The following MINDY4 variants were observed in gnomAD, a reference collection of about 807,000 sequenced individuals.
MINDY4 encodes the protein MINDY lysine 48 deubiquitinase 4.
In MINDY4, 68 loss-of-function variants were observed where a neutral mutation model predicts 87.0. That is an observed-to-expected ratio of 0.78 (90% CI 0.64 to 0.96). The LOEUF is 0.96. MINDY4 is among the 40% of genes least tolerant of loss of function. The pLI is 0.00. For missense variants in MINDY4, 919 were observed against 928.2 expected (o/e 0.99, Z 0.13); for synonymous variants, 379 against 363.2 (o/e 1.04, Z -0.50).
At chr7:30,803,861 C>T (rs1209394284) in intron 5 of MINDY4, among the ~76,000 whole-genome samples, 1 of 152,176 alleles carries the variant, frequency 6.6e-6, no homozygotes, top group Non-Finnish European at 1.5e-5. Flanking sequence ...TGGAGAAAAC[C>T]TAAGCTCATA....
intron 1 of MINDY4, among the ~76,000 whole-genome samples, chr7:30,773,934 CT>C (rs1786723292): frequency 6.6e-6 from 1 of 152,204 alleles, no homozygotes; most frequent in East Asian, 1.9e-4. Flanking sequence ...AGGTGCAGCT[CT>C]TTTGCGCTTC....
intron 12 of MINDY4, chr7:30,858,177 G>A (rs1789634769): frequency 6.6e-6 from 1 of 152,198 alleles, no homozygotes; most frequent in Non-Finnish European, 1.5e-5. Flanking sequence ...TGAAGGTGGG[G>A]ATGGTGTTTC....
At chr7:30,851,061 C>G (rs1193272462) in intron 10 of MINDY4, among the ~76,000 whole-genome samples, 1 of 152,202 alleles carries the variant, frequency 6.6e-6, no homozygotes, top group African/African-American at 2.4e-5. Flanking sequence ...TTATCCTGAC[C>G]CGCATCGTCT....
At chr7:30,880,624 C>T (rs1417523999) in intron 15 of MINDY4, among the ~76,000 whole-genome samples, 1 of 152,098 alleles carries the variant, frequency 6.6e-6, no homozygotes, top group Non-Finnish European at 1.5e-5. Context: ...CTGTTCCTGG[C>T]GATGCCCTCA....
At position 30,882,373 on chromosome 7, in the gene MINDY4, C is replaced by G; in HGVS notation, c.2152+12C>G. 6.6e-7 allele frequency: 1 copy of G among 1,504,776 alleles called. No homozygotes were observed. Among genetic ancestry groups the G allele is most frequent in the South Asian group, 1.3e-5 (1 of 78,072 alleles). 93.2% of individuals were successfully genotyped at this position (1,504,776 alleles called of 1,614,324 possible). A position where few individuals can be genotyped will look rare whatever the true frequency, so the allele number is the denominator to read the frequency against. ...CCGGCTGACCATTGGTGCGGGCCCT[C>G]ACCCCCCCACCCACCCAACCCTGTC... On this transcript the variant is annotated intron_variant, in intron 16 of 17. Transcript: ENST00000265299.
chr7:30,852,140 CAT>C (rs1223197582), intron 10 of MINDY4, 74 bp from the exon 11 acceptor site: 7 of 1,530,866 alleles, frequency 4.6e-6, no homozygotes, highest in South Asian at 1.2e-5. Flanking sequence ...TTTAATGACA[CAT>C]GTGGTTTCGC....
chr7:30,855,093 C>T (rs1236825976), intron 12 of MINDY4, among the ~76,000 whole-genome samples: 1 of 152,240 alleles, frequency 6.6e-6, no homozygotes, highest in South Asian at 2.1e-4. Flanking sequence ...GTGCATCCAC[C>T]GCCTGGCCTG....
intron 13 of MINDY4, among the ~76,000 whole-genome samples, chr7:30,867,450 C>G (rs1789974581): frequency 6.6e-6 from 1 of 152,154 alleles, no homozygotes; most frequent in Admixed American, 6.5e-5. Context: ...TATAGTTCAT[C>G]TCATTCAGTT....
At chr7:30,840,997 A>G (rs1294711559) in intron 9 of MINDY4, 149 bp downstream of exon 9, 3 of 703,914 alleles carry the variant, frequency 4.3e-6, no homozygotes, top group Non-Finnish European at 7.1e-6. Context: ...GCTAGCTGAC[A>G]AGGCCTGCGC....
At chr7:30,873,854 T>A (rs1001883925) in intron 14 of MINDY4, among the ~76,000 whole-genome samples, 1 of 152,196 alleles carries the variant, frequency 6.6e-6, no homozygotes, top group South Asian at 2.1e-4. Flanking sequence ...CTGACGTGCA[T>A]TATTTTACAG....
At chr7:30,819,860 T>C (rs1788269914) in intron 5 of MINDY4, among the ~76,000 whole-genome samples, 1 of 151,970 alleles carries the variant, frequency 6.6e-6, no homozygotes, top group Admixed American at 6.5e-5. Flanking sequence ...GTTAAGCTTT[T>C]GTATCATGTG....
chr7:30,877,977 G>A (rs1398795566), intron 15 of MINDY4, among the ~76,000 whole-genome samples: 1 of 150,970 alleles, frequency 6.6e-6, no homozygotes, highest in Admixed American at 6.6e-5. Flanking sequence ...ACTGCGCCTG[G>A]CCCCTTCCCT....
intron 2 of MINDY4, 95 bp downstream of exon 2, chr7:30,778,646 GGTTCT>G: frequency 6.9e-7 from 1 of 1,441,550 alleles, no homozygotes; most frequent in Non-Finnish European, 9.7e-7. Context: ...AGAGGCTTGA[GGTTCT>G]CCTGGCCTGT....
chr7:30,795,654 A>T (rs1787465212), intron 5 of MINDY4, among the ~76,000 whole-genome samples: 1 of 152,194 alleles, frequency 6.6e-6, no homozygotes, highest in Non-Finnish European at 1.5e-5. Context: ...ACAAACACAG[A>T]TTGATGGTTC....
chr7:30,878,007 C>T (rs1198152966), intron 15 of MINDY4, among the ~76,000 whole-genome samples: 2 of 151,710 alleles, frequency 1.3e-5, no homozygotes, highest in African/African-American at 4.8e-5. Flanking sequence ...CACCACCTTC[C>T]ATCCCTTCTG....
intron 6 of MINDY4, 95 bp from the exon 7 acceptor site, chr7:30,836,563 T>C: frequency 9.9e-7 from 1 of 1,014,066 alleles, no homozygotes. Context: ...TCAAACCTTC[T>C]ACAAACTTAG....
intron 13 of MINDY4, among the ~76,000 whole-genome samples, chr7:30,868,462 C>T (rs747053763): frequency 6.6e-6 from 1 of 152,188 alleles, no homozygotes; most frequent in African/African-American, 2.4e-5. Context: ...TATGCAGATT[C>T]GAAGCCCATG....
intron 5 of MINDY4, among the ~76,000 whole-genome samples, chr7:30,807,923 C>T (rs1211193703): frequency 1.3e-5 from 2 of 152,292 alleles, no homozygotes; most frequent in South Asian, 2.1e-4. Flanking sequence ...TGCTGAAGCT[C>T]CCGGCCAAAT....
At chr7:30,778,892 G>T (rs368993136) in intron 2 of MINDY4, among the ~76,000 whole-genome samples, 2 of 152,278 alleles carry the variant, frequency 1.3e-5, no homozygotes, top group African/African-American at 4.8e-5. Context: ...TAAGAATATC[G>T]TATCCAGTTA....
Sources: gnomAD v4.1 joint callset for allele counts (sites outside exome capture counted in the v4.1 genomes callset) on GRCh38, gnomAD v4.1.1 for gene constraint, MANE v1.5 for transcripts, NCBI Gene and HGNC (gene_info 2026-07-23, HGNC 2026-07-21) for gene names.